Variants in RSRC1 observed in about 807,000 individuals in gnomAD.
RSRC1 encodes arginine and serine rich coiled-coil 1.
RSRC1 carries 39 observed loss-of-function variants against 49.1 expected under a neutral mutation model. That is an observed-to-expected ratio of 0.79 (90% CI 0.61 to 1.04). The LOEUF (loss-of-function observed/expected upper bound fraction) is 1.04. Ranked by LOEUF, RSRC1 falls within the 50% of genes least tolerant of loss-of-function variation. The pLI is 0.00. For synonymous variants in RSRC1, 143 were observed against 130.8 expected, an observed-to-expected ratio of 1.09 and a Z score of -0.63; for missense variants, 388 against 402.4, an observed-to-expected ratio of 0.96 and a Z score of 0.31.
At chr3:158,262,104 A>C (rs1164163762) in intron 4 of RSRC1, among the ~76,000 whole-genome samples, 1 of 152,038 alleles carries the variant, frequency 6.6e-6, no homozygotes, top group African/African-American at 2.4e-5. Flanking sequence ...TCTTTCATTT[A>C]TTAGTAGTTT....
intron 4 of RSRC1, among the ~76,000 whole-genome samples, chr3:158,264,503 T>C (rs1240512545): frequency 6.6e-6 from 1 of 152,160 alleles, no homozygotes; most frequent in Non-Finnish European, 1.5e-5. Context: ...TGGACTGTTC[T>C]CTAAGTGTCA....
chr3:158,262,983 T>G (rs946027108), intron 4 of RSRC1, among the ~76,000 whole-genome samples: 4 of 152,152 alleles, frequency 2.6e-5, no homozygotes, highest in African/African-American at 9.6e-5. Flanking sequence ...TTGCCTGTAA[T>G]AAAGACAGTT....
At chr3:158,462,327 C>T (rs1199417443) in intron 7 of RSRC1, among the ~76,000 whole-genome samples, 2 of 151,826 alleles carry the variant, frequency 1.3e-5, no homozygotes, top group Non-Finnish European at 2.9e-5. Context: ...TGTGTCTAAG[C>T]AAATTATAAT....
chr3:158,499,896 AC>A lies in RSRC1; in HGVS notation c.653-37195del, dbSNP rs1238686097. Among the ~76,000 whole-genome samples, 12 of 152,140 alleles carry A rather than the reference AC, an allele frequency of 7.9e-5. No homozygotes were observed. The East Asian group carries it at 1.7e-3, about 22-fold the overall frequency. ...GATTGCTCTGGCTATGACTTCGAGT[AC>A]TATGTTGAAGAGGAGTGGTGAGAGT... On this transcript the variant is annotated intron_variant, in intron 7 of 9. Coordinates refer to ENST00000611884, the MANE Select transcript of RSRC1 (RefSeq NM_001271838.2).
At chr3:158,245,797 A>C (rs1723854487) in intron 4 of RSRC1, among the ~76,000 whole-genome samples, 1 of 152,116 alleles carries the variant, frequency 6.6e-6, no homozygotes, top group African/African-American at 2.4e-5. Context: ...GAAATGTAAG[A>C]GCATTGTGTA....
At chr3:158,337,655 TG>T (rs1358817443) in intron 5 of RSRC1, among the ~76,000 whole-genome samples, 4 of 152,156 alleles carry the variant, frequency 2.6e-5, no homozygotes, top group Non-Finnish European at 4.4e-5. Context: ...AATCTGTCCA[TG>T]GGGGTCAATT....
At chr3:158,269,633 C>T (rs1268666589) in intron 4 of RSRC1, among the ~76,000 whole-genome samples, 1 of 152,116 alleles carries the variant, frequency 6.6e-6, no homozygotes, top group Non-Finnish European at 1.5e-5. Context: ...CTGCCTCAGC[C>T]TCCCGAGTAG....
At chr3:158,266,500 A>G (rs1039245230) in intron 4 of RSRC1, among the ~76,000 whole-genome samples, 5 of 152,114 alleles carry the variant, frequency 3.3e-5, no homozygotes, top group African/African-American at 1.2e-4. Flanking sequence ...TTAGTGTTCT[A>G]CACTTGGTTT....
intron 4 of RSRC1, among the ~76,000 whole-genome samples, chr3:158,234,367 AT>A (rs1723125690): frequency 6.6e-6 from 1 of 152,180 alleles, no homozygotes; most frequent in Non-Finnish European, 1.5e-5. Flanking sequence ...GATAGCAATG[AT>A]TATGTAAATT....
intron 5 of RSRC1, among the ~76,000 whole-genome samples, chr3:158,310,706 C>T (rs1314439718): frequency 1.3e-5 from 2 of 151,672 alleles, no homozygotes; most frequent in Non-Finnish European, 3.0e-5. Flanking sequence ...AGTTGAGGAA[C>T]ACCTGATTTC....
intron 6 of RSRC1, among the ~76,000 whole-genome samples, chr3:158,450,889 C>A (rs907521326): frequency 4.0e-5 from 6 of 151,584 alleles, no homozygotes; most frequent in African/African-American, 1.5e-4. Flanking sequence ...CAGTAGCTTA[C>A]TATTGTGTTC....
intron 7 of RSRC1, among the ~76,000 whole-genome samples, chr3:158,466,685 C>T (rs1191685105): frequency 6.6e-6 from 1 of 152,176 alleles, no homozygotes; most frequent in Non-Finnish European, 1.5e-5. Context: ...GAATAAATCA[C>T]TTAACCTCTC....
At chr3:158,418,769 C>T (rs1409084511) in intron 6 of RSRC1, among the ~76,000 whole-genome samples, 3 of 151,942 alleles carry the variant, frequency 2.0e-5, no homozygotes, top group African/African-American at 7.2e-5. Flanking sequence ...TTTTATACTT[C>T]ATCTTACTAA....
intron 4 of RSRC1, among the ~76,000 whole-genome samples, chr3:158,216,140 C>T (rs566302963): frequency 1.3e-5 from 2 of 151,412 alleles, no homozygotes; most frequent in South Asian, 4.2e-4. Context: ...GAAGTAATTG[C>T]GATTTTGCCA....
At chr3:158,133,978 A>G (rs1716198732) in intron 3 of RSRC1, among the ~76,000 whole-genome samples, 1 of 152,208 alleles carries the variant, frequency 6.6e-6, no homozygotes, top group Admixed American at 6.5e-5. Flanking sequence ...TTGAGTGGAC[A>G]GGAGGCAGTG....
At chr3:158,517,822 T>C (rs1310140020) in intron 7 of RSRC1, among the ~76,000 whole-genome samples, 1 of 140,132 alleles carries the variant, frequency 7.1e-6, no homozygotes, top group Admixed American at 7.7e-5. Flanking sequence ...CAGGTTGGTC[T>C]TGAAATCGTG....
intron 4 of RSRC1, among the ~76,000 whole-genome samples, chr3:158,251,702 T>G (rs1284303662): frequency 6.6e-6 from 1 of 152,232 alleles, no homozygotes; most frequent in Non-Finnish European, 1.5e-5. Context: ...TCATCAGTTA[T>G]TATAGTTTTT....
chr3:158,366,830 C>T (rs1731795943), intron 6 of RSRC1, among the ~76,000 whole-genome samples: 1 of 152,080 alleles, frequency 6.6e-6, no homozygotes, highest in African/African-American at 2.4e-5. Context: ...TTTCCTCGAG[C>T]AGTGGTTTGT....
At chr3:158,177,758 T>G (rs945912639) in intron 3 of RSRC1, among the ~76,000 whole-genome samples, 1 of 152,092 alleles carries the variant, frequency 6.6e-6, no homozygotes, top group African/African-American at 2.4e-5. Flanking sequence ...AAACCTGCAC[T>G]CTGCACATGT....
Sources: gnomAD v4.1 joint callset for allele counts (sites outside exome capture counted in the v4.1 genomes callset) on GRCh38, gnomAD v4.1.1 for gene constraint, MANE v1.5 for transcripts, NCBI Gene and HGNC (gene_info 2026-07-23, HGNC 2026-07-21) for gene names.